Variants in SRGAP3 observed in about 807,000 individuals in gnomAD.
The protein encoded by SRGAP3 is SLIT-ROBO Rho GTPase-activating protein 3.
Under a neutral mutation model 121.1 loss-of-function variants are expected in SRGAP3, and 39 were observed. The observed-to-expected ratio is 0.32, with a 90% CI of 0.25 to 0.42. The LOEUF (loss-of-function observed/expected upper bound fraction) is 0.42, where lower values mean the gene tolerates loss of function less well. Among genes scored for constraint, SRGAP3 ranks in the 10% least tolerant of loss-of-function variants. SRGAP3 has a pLI of 1.00. For synonymous variants in SRGAP3, 601 were observed against 570.0 expected (o/e 1.05, Z -0.77); for missense variants, 1,213 against 1,470.6 (o/e 0.82, Z 2.86).
intron 18 of SRGAP3, chr3:9,007,166 C>T (rs756626983): frequency 3.3e-5 from 5 of 152,134 alleles, no homozygotes; most frequent in Middle Eastern, 3.4e-3. Context: ...GACGGAGTTT[C>T]ACCATGTTGC....
intron 11 of SRGAP3, 107 bp from the exon 12 acceptor site, chr3:9,032,859 T>C (rs1379721754): frequency 2.0e-6 from 2 of 1,001,248 alleles, no homozygotes; most frequent in Non-Finnish European, 3.0e-6. Context: ...AAAATGTAAA[T>C]GGAAGCCCCT....
intron 1 of SRGAP3, among the ~76,000 whole-genome samples, chr3:9,231,704 T>C (rs1953216816): frequency 6.6e-6 from 1 of 152,192 alleles, no homozygotes; most frequent in East Asian, 1.9e-4. Context: ...GACAGACACA[T>C]AAACAACCCC....
At chr3:9,355,861 TA>T (rs1226290667) in intron 1 of SRGAP3, 8 of 152,334 alleles carry the variant, frequency 5.3e-5, no homozygotes, top group African/African-American at 1.9e-4. Flanking sequence ...GCCTTCTTGC[TA>T]TGTCACCCCA....
intron 1 of SRGAP3, among the ~76,000 whole-genome samples, chr3:9,149,034 T>C (rs1458125846): frequency 6.6e-6 from 1 of 151,636 alleles, no homozygotes; most frequent in Non-Finnish European, 1.5e-5. Context: ...GCCAACATAG[T>C]AAAACCCCAT....
At chr3:9,103,283 A>T (rs574641682) in intron 3 of SRGAP3, among the ~76,000 whole-genome samples, 3 of 152,318 alleles carry the variant, frequency 2.0e-5, no homozygotes, top group African/African-American at 7.2e-5. Flanking sequence ...AAACCCCTGA[A>T]ACTGGCACCT....
chr3:9,271,704 C>T (rs1954481614), intron 3 of SRGAP3, among the ~76,000 whole-genome samples: 1 of 152,124 alleles, frequency 6.6e-6, no homozygotes, highest in South Asian at 2.1e-4. Context: ...ACATAAAGTG[C>T]CCCATTAATA....
chr3:9,058,526 G>T, intron 6 of SRGAP3, 54 bp from the exon 7 acceptor site: 3 of 1,542,698 alleles, frequency 1.9e-6, no homozygotes, highest in Admixed American at 3.3e-5. Flanking sequence ...ATGTGGAGGG[G>T]CGGTCACTGG....
At chr3:9,248,799 A>G in intron 1 of SRGAP3, 86 bp downstream of exon 1, 1 of 1,371,886 alleles carries the variant, frequency 7.3e-7, no homozygotes, top group African/African-American at 1.4e-5. Flanking sequence ...GCAGAGAGGA[A>G]AACGGGGGGC....
intron 3 of SRGAP3, among the ~76,000 whole-genome samples, chr3:9,285,116 G>T (rs1319467552): frequency 6.6e-6 from 1 of 152,286 alleles, no homozygotes; most frequent in East Asian, 1.9e-4. Context: ...AAATCCACTA[G>T]AAGTTTATAT....
intron 3 of SRGAP3, among the ~76,000 whole-genome samples, chr3:9,099,664 C>T (rs1948130245): frequency 1.3e-5 from 2 of 152,202 alleles, no homozygotes; most frequent in Admixed American, 6.5e-5. Context: ...AGTCATTCTC[C>T]ATGTATGGTC....
At chr3:9,256,846 C>T (rs1954142393) in intron 3 of SRGAP3, 1 of 398,538 alleles carries the variant, frequency 2.5e-6, no homozygotes, top group Non-Finnish European at 4.4e-6. Context: ...AGTTAACTGG[C>T]CTGGTGGACA....
At chr3:9,147,557 T>C (rs1454210290) in intron 1 of SRGAP3, among the ~76,000 whole-genome samples, 1 of 152,038 alleles carries the variant, frequency 6.6e-6, no homozygotes, top group African/African-American at 2.4e-5. Flanking sequence ...CACCTCAGCT[T>C]GTCACTCATC....
intron 2 of SRGAP3, among the ~76,000 whole-genome samples, chr3:9,329,432 G>A (rs576499747): frequency 2.6e-5 from 4 of 152,170 alleles, no homozygotes; most frequent in South Asian, 2.1e-4. Flanking sequence ...AGCAAAATAC[G>A]TGTGATAAAA....
chr3:9,029,421 AT>A (rs1432462359), intron 12 of SRGAP3, among the ~76,000 whole-genome samples: 3 of 152,188 alleles, frequency 2.0e-5, no homozygotes, highest in African/African-American at 7.2e-5. Context: ...AACATCAAGG[AT>A]TTTGAAAGGG....
intron 1 of SRGAP3, among the ~76,000 whole-genome samples, chr3:9,333,286 T>C (rs1057306827): frequency 3.3e-5 from 5 of 152,178 alleles, no homozygotes; most frequent in Non-Finnish European, 7.3e-5. Context: ...AAGAATTCTT[T>C]TCAAGAGAAA....
At chr3:9,256,290 C>G (rs1397889022) in intron 3 of SRGAP3, among the ~76,000 whole-genome samples, 2 of 152,230 alleles carry the variant, frequency 1.3e-5, no homozygotes, top group African/African-American at 4.8e-5. Flanking sequence ...CACAGCTGAG[C>G]CCCAGATCCT....
intron 18 of SRGAP3, among the ~76,000 whole-genome samples, chr3:9,005,003 G>A (rs1942984967): frequency 6.6e-6 from 1 of 152,142 alleles, no homozygotes; most frequent in African/African-American, 2.4e-5. Flanking sequence ...AAAATATTTG[G>A]AAATTGTATA....
chr3:8,998,027 A>G (rs1026842297), intron 18 of SRGAP3, among the ~76,000 whole-genome samples: 1 of 152,090 alleles, frequency 6.6e-6, no homozygotes, highest in African/African-American at 2.4e-5. Flanking sequence ...GACCACAGGC[A>G]CATGCCGCCA....
chr3:9,120,966 G>A lies in SRGAP3; in HGVS notation c.260+3759C>T, dbSNP rs189990729. Among the ~76,000 whole-genome samples, 6 of 152,236 alleles carry A rather than the reference G, an allele frequency of 3.9e-5. No individual in the cohort carries two copies. The East Asian group carries it at 1.2e-3, about 29-fold the overall frequency. Reference sequence around the variant, plus strand: ...TTGCCCAGGTGGGGAGGGAATGGCTGGGGCCTTAGGGAGACACGGCCCATG... The same window carrying A: ...TTGCCCAGGTGGGGAGGGAATGGCTAGGGCCTTAGGGAGACACGGCCCATG... On this transcript the variant is annotated intron_variant, in intron 2 of 21. Transcript: ENST00000383836.
Sources: allele counts gnomAD v4.1 joint callset (sites outside exome capture counted in the v4.1 genomes callset), GRCh38; gene constraint gnomAD v4.1.1; transcripts MANE v1.5; gene names NCBI Gene and HGNC (gene_info 2026-07-23, HGNC 2026-07-21).